The following HMCN2 variants were observed in gnomAD, a reference collection of about 807,000 sequenced individuals.
The protein encoded by HMCN2 is hemicentin-2.
HMCN2 carries 325 observed loss-of-function variants against 377.5 expected under a neutral mutation model. The observed-to-expected ratio is 0.86, with a 90% confidence interval of 0.79 to 0.94. The LOEUF (loss-of-function observed/expected upper bound fraction) is 0.94. Ranked by LOEUF, HMCN2 falls within the 40% of genes least tolerant of loss-of-function variation. HMCN2 has a pLI of 0.00. For synonymous variants in HMCN2, 2,007 were observed against 2,046.8 expected, an observed-to-expected ratio of 0.98 and a Z score of 0.53; for missense variants, 4,543 against 4,725.3, an observed-to-expected ratio of 0.96 and a Z score of 1.13.
intron 46 of HMCN2, among the ~76,000 whole-genome samples, chr9:130,371,701 T>C (rs7027839): frequency 0.92 from 140,066 of 152,302 alleles, 65,313 homozygotes; most frequent in Non-Finnish European, 0.99. Context: ...TTGGGCATCA[T>C]TTCTGAGCAC....
intron 3 of HMCN2, among the ~76,000 whole-genome samples, chr9:130,285,760 G>A (rs1368878009): frequency 6.6e-6 from 1 of 152,144 alleles, no homozygotes; most frequent in African/African-American, 2.4e-5. Flanking sequence ...ATCAAGGGAG[G>A]GAGAAGAGCC....
intron 19 of HMCN2, among the ~76,000 whole-genome samples, chr9:130,324,378 T>C (rs1838014800): frequency 6.6e-6 from 1 of 152,184 alleles, no homozygotes. Flanking sequence ...ACTGGACTTT[T>C]AAGAGCAGTT....
At chr9:130,266,638 C>G (rs1178028144) in intron 1 of HMCN2, among the ~76,000 whole-genome samples, 1 of 152,262 alleles carries the variant, frequency 6.6e-6, no homozygotes, top group Non-Finnish European at 1.5e-5. Context: ...ACCACGGACC[C>G]TGCAGTGGGG....
intron 25 of HMCN2, among the ~76,000 whole-genome samples, chr9:130,343,256 C>G (rs1413720326): frequency 6.6e-6 from 1 of 152,222 alleles, no homozygotes; most frequent in Non-Finnish European, 1.5e-5. Context: ...ACCGCCTCCC[C>G]TCTGTGGGGC....
At chr9:130,317,479 C>G (rs1484970587) in intron 15 of HMCN2, among the ~76,000 whole-genome samples, 10 of 133,394 alleles carry the variant, frequency 7.5e-5, no homozygotes, top group African/African-American at 3.9e-4. Flanking sequence ...CTCTCTCTCT[C>G]TCTCTCTCTC....
intron 60 of HMCN2, 89 bp from the exon 61 acceptor site, chr9:130,386,354 A>C: frequency 1.4e-6 from 1 of 730,558 alleles, no homozygotes; most frequent in South Asian, 1.6e-5. Flanking sequence ...CCTGCTCTGG[A>C]AGTTTTGGGG....
intron 25 of HMCN2, among the ~76,000 whole-genome samples, chr9:130,345,566 G>C (rs1839348312): frequency 1.4e-5 from 2 of 143,464 alleles, no homozygotes; most frequent in African/African-American, 5.4e-5. Context: ...TGGTGTGTAT[G>C]TTTGTGTGTG....
In HMCN2 at chr9:130,408,762, G is replaced by A. The variant is rs970202704; in HGVS notation, c.12708G>A (p.Gly4236=). ...ATGCAGAGGCTCCTGTCCTACAAGG[G>A]GAGGCTTTCTCCTACCTGGTGGAAC... ...VHVKEAPVLQ[G]EAFSYLVEPV... The change falls in exon 84 of 98, where the codon GGG becomes GGA. Residue 4236 remains glycine, a synonymous_variant. Transcript: ENST00000683500. The A allele has an allele frequency of 1.6e-6, 2 of 1,289,258 alleles. No homozygotes were observed. The highest frequency in any genetic ancestry group is 2.0e-6 in the Non-Finnish European group (2 of 988,522). 79.9% of individuals were successfully genotyped at this position (1,289,258 alleles called of 1,614,324 possible).
chr9:130,433,344 G>A lies in HMCN2; in HGVS notation c.14895-4G>A. 6.9e-7 allele frequency: 1 copy of A among 1,440,702 alleles called. No individual in the cohort carries two copies. Among genetic ancestry groups the A allele is most frequent in the Non-Finnish European group, 9.1e-7 (1 of 1,104,834 alleles). 89.2% of individuals were successfully genotyped at this position (1,440,702 alleles called of 1,614,324 possible). ...GCCTGTCCGTGTGTCTGTGCCGCCC[G>A]CAGGACGTGCTTCCGGCGCTGCTCG... On this transcript the variant is annotated splice_region_variant and splice_polypyrimidine_tract_variant and intron_variant, in intron 97 of 97. Coordinates refer to ENST00000683500, the MANE Select transcript of HMCN2 (RefSeq NM_001291815.2).
intron 81 of HMCN2, among the ~76,000 whole-genome samples, chr9:130,405,574 C>T (rs944930763): frequency 3.3e-5 from 5 of 152,176 alleles, no homozygotes; most frequent in East Asian, 1.9e-4. Context: ...CAGTGGTGAG[C>T]GCACCGGCCC....
intron 8 of HMCN2, among the ~76,000 whole-genome samples, chr9:130,301,855 G>A (rs972175950): frequency 5.9e-5 from 9 of 152,256 alleles, no homozygotes; most frequent in Non-Finnish European, 8.8e-5. Context: ...CTGACCCAGC[G>A]GGGCAGTTTC....
chr9:130,325,089 TCTTCTTC>T (rs1838058259), intron 19 of HMCN2, among the ~76,000 whole-genome samples: 1 of 76,086 alleles, frequency 1.3e-5, no homozygotes, highest in Non-Finnish European at 2.8e-5. Context: ...TTCTTCTTCT[TCTTCTTC>T]TTTTTTTTTT....
chr9:130,325,118 A>C (rs1838066035), intron 19 of HMCN2, among the ~76,000 whole-genome samples: 1 of 125,746 alleles, frequency 8.0e-6, no homozygotes. Flanking sequence ...TTTTGTAGAC[A>C]AGAGTCTCAC....
intron 32 of HMCN2, 148 bp downstream of exon 32, chr9:130,355,192 C>T (rs951714095): frequency 4.3e-5 from 28 of 652,644 alleles, no homozygotes; most frequent in African/African-American, 5.8e-5. Context: ...CAGATGAGGA[C>T]GCTGAGGCCT....
Position 130,348,683 on chromosome 9 carries a change from TC to T in HMCN2, c.4155+13del. 7 of 468,262 alleles carry T rather than the reference TC, an allele frequency of 1.5e-5. No individual in the cohort carries two copies. Among genetic ancestry groups the T allele is most frequent in the Non-Finnish European group, 2.9e-5 (7 of 238,708 alleles). The allele number at this position is 468,262 out of a possible 1,614,324, so 29.0% of individuals were successfully genotyped here. A position where few individuals can be genotyped will look rare whatever the true frequency, so the allele number is the denominator to read the frequency against. The stretch of plus-strand genomic sequence containing the variant: ...CTGAAGGACGCGCAGCTGGTGGGTG[TC>T]CCCCTAGGGTGGGCGGGGTATGGGT... On this transcript the variant is annotated intron_variant, in intron 27 of 97. Transcript: ENST00000683500.
At position 130,349,685 on chromosome 9, in the gene HMCN2, G is replaced by A. The variant is rs758331338; in HGVS notation, c.4430+22G>A. ...GGCAGTGAGTGCCCCCCTCCCCGAGGATGGCGTGTGGTGGTGCCCAGACTC... is the reference window on the plus strand; with the variant it reads ...GGCAGTGAGTGCCCCCCTCCCCGAGAATGGCGTGTGGTGGTGCCCAGACTC... On this transcript the variant is annotated intron_variant, in intron 29 of 97. Transcript: ENST00000683500. 4 of 1,298,872 alleles carry A rather than the reference G, an allele frequency of 3.1e-6. No homozygotes were observed. The African/African-American group carries it at 4.6e-5, about 15-fold the overall frequency. The allele number at this position is 1,298,872 out of a possible 1,614,324, so 80.5% of individuals were successfully genotyped here.
chr9:130,362,215 A>G (rs1840424651), intron 39 of HMCN2, 50 bp downstream of exon 39: 1 of 977,868 alleles, frequency 1.0e-6, no homozygotes, highest in Non-Finnish European at 1.2e-6. Flanking sequence ...CCTCCCGTAG[A>G]TGCTGGGAAC....
intron 15 of HMCN2, among the ~76,000 whole-genome samples, chr9:130,310,927 C>T (rs1837212498): frequency 1.3e-5 from 2 of 152,178 alleles, no homozygotes; most frequent in African/African-American, 4.8e-5. Context: ...GGCCTGTTAG[C>T]ACAGGGTTGG....
intron 8 of HMCN2, among the ~76,000 whole-genome samples, chr9:130,300,193 A>G (rs1169756254): frequency 5.8e-4 from 88 of 151,978 alleles, no homozygotes; most frequent in Non-Finnish European, 3.5e-4. Context: ...CCACTCACCC[A>G]TCCATCTACC....
Sources: gnomAD v4.1 joint callset for allele counts (sites outside exome capture counted in the v4.1 genomes callset) on GRCh38, gnomAD v4.1.1 for gene constraint, MANE v1.5 for transcripts, NCBI Gene and HGNC (gene_info 2026-07-23, HGNC 2026-07-21) for gene names.